Variants in GPC5 observed in about 807,000 individuals in gnomAD.
GPC5 encodes the protein glypican 5.
In GPC5, 47 loss-of-function variants were observed where a neutral mutation model predicts 53.9. That is an observed-to-expected ratio of 0.87 (90% CI 0.69 to 1.11). The LOEUF is 1.11. GPC5 is among the 50% of genes most tolerant of loss of function. The probability of loss-of-function intolerance (pLI) is 0.00; values close to 1 mark genes in which losing one functional copy is unlikely to be tolerated. For missense variants in GPC5, 748 were observed against 713.1 expected (o/e 1.05, Z -0.56); for synonymous variants, 286 against 263.3 (o/e 1.09, Z -0.84).
intron 6 of GPC5, among the ~76,000 whole-genome samples, chr13:92,129,136 C>A (rs2041723688): frequency 6.6e-6 from 1 of 152,034 alleles, no homozygotes; most frequent in Admixed American, 6.6e-5. Context: ...GCTCAATACC[C>A]CTGAAATTTA....
chr13:91,775,743 A>G (rs1448249982), intron 5 of GPC5, among the ~76,000 whole-genome samples: 1 of 152,210 alleles, frequency 6.6e-6, no homozygotes, highest in African/African-American at 2.4e-5. Flanking sequence ...GATAGCATTT[A>G]TCTAAGACAT....
intron 2 of GPC5, among the ~76,000 whole-genome samples, chr13:91,517,412 C>A (rs751926241): frequency 3.3e-5 from 5 of 152,190 alleles, no homozygotes; most frequent in African/African-American, 7.2e-5. Context: ...TAAAACATAA[C>A]AAGAATCACC....
chr13:92,241,810 A>G (rs1054733334), intron 7 of GPC5: 2 of 152,210 alleles, frequency 1.3e-5, no homozygotes, highest in Non-Finnish European at 2.9e-5. Context: ...GAGTTTTAGT[A>G]TACAATTTCT....
intron 2 of GPC5, among the ~76,000 whole-genome samples, chr13:91,673,384 G>A (rs1012980189): frequency 6.6e-6 from 1 of 152,022 alleles, no homozygotes; most frequent in Admixed American, 6.6e-5. Context: ...ATTATTTTGT[G>A]ACTGATTATC....
chr13:92,678,197 G>A (rs1297649449), intron 7 of GPC5, among the ~76,000 whole-genome samples: 1 of 152,206 alleles, frequency 6.6e-6, no homozygotes, highest in Admixed American at 6.6e-5. Flanking sequence ...GAATAACATA[G>A]ACAACTTCTG....
intron 7 of GPC5, among the ~76,000 whole-genome samples, chr13:92,832,988 AGAGT>A (rs1468586609): frequency 2.0e-5 from 3 of 152,358 alleles, no homozygotes; most frequent in Non-Finnish European, 2.9e-5. Flanking sequence ...CCTGGGTGAC[AGAGT>A]GAGACTGCGT....
chr13:92,403,799 G>A (rs12868537), intron 7 of GPC5, among the ~76,000 whole-genome samples: 1 of 152,076 alleles, frequency 6.6e-6, no homozygotes, highest in Admixed American at 6.5e-5. Flanking sequence ...TAGAGATTTT[G>A]TAAACATTCT....
intron 7 of GPC5, among the ~76,000 whole-genome samples, chr13:92,820,811 G>A (rs1566432315): frequency 6.6e-6 from 1 of 152,094 alleles, no homozygotes; most frequent in Non-Finnish European, 1.5e-5. Flanking sequence ...TATAAACAAA[G>A]TCTTATTCTA....
chr13:91,500,340 A>G (rs1026581488), intron 2 of GPC5, among the ~76,000 whole-genome samples: 2 of 152,194 alleles, frequency 1.3e-5, no homozygotes, highest in Non-Finnish European at 2.9e-5. Context: ...TTTTCCAGGT[A>G]GGAGAGGAAG....
At chr13:91,541,865 T>G (rs1054221983) in intron 2 of GPC5, among the ~76,000 whole-genome samples, 1 of 151,880 alleles carries the variant, frequency 6.6e-6, no homozygotes, top group Admixed American at 6.6e-5. Context: ...CTGACTTTAA[T>G]AAGATTCCAG....
intron 7 of GPC5, among the ~76,000 whole-genome samples, chr13:92,634,113 G>A (rs35683948): frequency 0.47 from 62,216 of 131,388 alleles, 14,265 homozygotes; most frequent in Middle Eastern, 0.61. Flanking sequence ...TCTTGGTTAC[G>A]GACTATCTTT....
At chr13:91,586,681 A>G (rs115037519) in intron 2 of GPC5, among the ~76,000 whole-genome samples, 8,615 of 145,690 alleles carry the variant, frequency 0.059, 337 homozygotes, top group Non-Finnish European at 0.085. Context: ...CCATGATCCA[A>G]TCACCCCCCA....
rs115957043 is a variant in GPC5 at position 92,843,679 on chromosome 13, A to G, written c.1562-22603A>G. ...TAAAAAGAGAAAGGTTTCGTGGTTCATTAACCATACATGACTCATTGCTTC... is the reference window on the plus strand; with the variant it reads ...TAAAAAGAGAAAGGTTTCGTGGTTCGTTAACCATACATGACTCATTGCTTC... On this transcript the variant is annotated intron_variant, in intron 7 of 7. Transcript: ENST00000377067. Among the ~76,000 whole-genome samples, 829 of 152,314 alleles carry G rather than the reference A, an allele frequency of 5.4e-3. 8 individuals carry two copies. The highest frequency in any genetic ancestry group is 0.019 in the African/African-American group (780 of 41,586).
intron 7 of GPC5, among the ~76,000 whole-genome samples, chr13:92,353,651 A>G (rs1046220628): frequency 1.3e-5 from 2 of 152,186 alleles, no homozygotes; most frequent in African/African-American, 4.8e-5. Context: ...AAAGCAGACT[A>G]TATATAAACA....
chr13:92,568,594 C>T (rs1039885378), intron 7 of GPC5, among the ~76,000 whole-genome samples: 30 of 152,102 alleles, frequency 2.0e-4, no homozygotes, highest in Non-Finnish European at 8.8e-5. Context: ...ACTGACAACA[C>T]TCCATTTGTT....
intron 3 of GPC5, among the ~76,000 whole-genome samples, chr13:91,696,525 A>G (rs2035882506): frequency 6.6e-6 from 1 of 152,218 alleles, no homozygotes. Context: ...TCGCACATCG[A>G]TGAATTTAAC....
At chr13:92,195,721 CTG>C (rs1461235649) in intron 7 of GPC5, among the ~76,000 whole-genome samples, 1 of 152,172 alleles carries the variant, frequency 6.6e-6, no homozygotes, top group African/African-American at 2.4e-5. Context: ...TGAACAGTGA[CTG>C]TAATAAACTC....
At chr13:91,789,070 T>C (rs2037923039) in intron 5 of GPC5, among the ~76,000 whole-genome samples, 1 of 151,986 alleles carries the variant, frequency 6.6e-6, no homozygotes. Flanking sequence ...CAAAATTAGC[T>C]GGGCATGGTG....
intron 7 of GPC5, among the ~76,000 whole-genome samples, chr13:92,408,336 T>G (rs896000095): frequency 1.3e-5 from 2 of 152,198 alleles, no homozygotes; most frequent in Admixed American, 1.3e-4. Flanking sequence ...ACTTCCTTTC[T>G]TCTTATTTCA....
Sources: allele counts gnomAD v4.1 joint callset (sites outside exome capture counted in the v4.1 genomes callset), GRCh38; gene constraint gnomAD v4.1.1; transcripts MANE v1.5; gene names NCBI Gene and HGNC (gene_info 2026-07-23, HGNC 2026-07-21).